Variants in ENOX2 observed in about 807,000 individuals in gnomAD.
ENOX2 encodes APK1 antigen.
Under a neutral mutation model 45.0 loss-of-function variants are expected in ENOX2, and 36 were observed. The ratio of observed to expected loss-of-function variants is 0.80; its 90% CI spans 0.61 to 1.06. The LOEUF is 1.06. Ranked by LOEUF, ENOX2 falls within the 50% of genes least tolerant of loss-of-function variation. The pLI is 0.00. For missense variants in ENOX2, 423 were observed against 462.5 expected, an observed-to-expected ratio of 0.91 and a Z score of 0.78; for synonymous variants, 174 against 152.3, an observed-to-expected ratio of 1.14 and a Z score of -1.05.
intron 2 of ENOX2, among the ~76,000 whole-genome samples, chrX:130,813,695 C>T (rs2077430762): frequency 9.0e-6 from 1 of 111,642 alleles, no homozygotes; most frequent in South Asian, 3.8e-4. Flanking sequence ...AGGGACTGTG[C>T]CATAAAACGG....
intron 4 of ENOX2, among the ~76,000 whole-genome samples, chrX:130,692,615 C>CAG (rs1369600235): frequency 1.2e-4 from 12 of 102,471 alleles, no homozygotes; most frequent in Non-Finnish European, 1.2e-4. Context: ...GAGTCCCGCT[C>CAG]TGTTGCCCAG....
intron 3 of ENOX2, among the ~76,000 whole-genome samples, chrX:130,752,740 C>A (rs2039255845): frequency 9.0e-6 from 1 of 110,968 alleles, no homozygotes; most frequent in Admixed American, 9.6e-5. Flanking sequence ...CTCTTTCTTT[C>A]TCTTTCCTTT....
intron 2 of ENOX2, among the ~76,000 whole-genome samples, chrX:130,795,130 A>G (rs922974005): frequency 8.9e-6 from 1 of 112,429 alleles, no homozygotes; most frequent in African/African-American, 3.2e-5. Context: ...GCTGTTGGCT[A>G]TGAAATTAAA....
At chrX:130,822,067 C>CAAAAA (rs759582186) in intron 2 of ENOX2, among the ~76,000 whole-genome samples, 1 of 19,110 alleles carries the variant, frequency 5.2e-5, no homozygotes, top group Non-Finnish European at 1.1e-4. Flanking sequence ...GACTCCGTCT[C>CAAAAA]AAAAAAAAAA....
chrX:130,686,716 T>G (rs946363581), intron 5 of ENOX2, among the ~76,000 whole-genome samples: 1 of 112,248 alleles, frequency 8.9e-6, no homozygotes, highest in Non-Finnish European at 1.9e-5. Context: ...ACTTTTGCCA[T>G]GCTTTCAGCA....
At chrX:130,655,517 C>T (rs1309133259) in intron 10 of ENOX2, among the ~76,000 whole-genome samples, 1 of 112,028 alleles carries the variant, frequency 8.9e-6, no homozygotes, top group Non-Finnish European at 1.9e-5. Context: ...CACACGTACA[C>T]ACACACAGCA....
intron 11 of ENOX2, among the ~76,000 whole-genome samples, chrX:130,636,275 A>G (rs2035929582): frequency 8.9e-6 from 1 of 112,641 alleles, no homozygotes; most frequent in Non-Finnish European, 1.9e-5. Flanking sequence ...GTGAAATATT[A>G]ATGTCATATT....
intron 2 of ENOX2, among the ~76,000 whole-genome samples, chrX:130,832,211 T>C (rs2077845705): frequency 9.0e-6 from 1 of 111,123 alleles, no homozygotes; most frequent in Admixed American, 9.6e-5. Flanking sequence ...TACTTGGTTA[T>C]TTTTTTCCTC....
chrX:130,734,480 C>T (rs951536735), intron 3 of ENOX2, among the ~76,000 whole-genome samples: 1 of 111,313 alleles, frequency 9.0e-6, no homozygotes, highest in Non-Finnish European at 1.9e-5. Context: ...GAGAGGGCTG[C>T]GAGTTGTAGA....
At chrX:130,742,514 T>C (rs2039009036) in intron 3 of ENOX2, among the ~76,000 whole-genome samples, 1 of 110,624 alleles carries the variant, frequency 9.0e-6, no homozygotes, top group South Asian at 3.9e-4. Context: ...GTATGATTTC[T>C]GGATAAAGGC....
intron 10 of ENOX2, among the ~76,000 whole-genome samples, chrX:130,643,839 A>G (rs907291919): frequency 3.6e-5 from 4 of 112,381 alleles, no homozygotes; most frequent in Admixed American, 9.4e-5. Flanking sequence ...ACCACTGTAT[A>G]TAATTACCAT....
chrX:130,650,704 T>C (rs780515162), intron 10 of ENOX2, among the ~76,000 whole-genome samples: 91 of 112,089 alleles, frequency 8.1e-4, no homozygotes, highest in African/African-American at 2.9e-3. Context: ...GTGGGGAAAA[T>C]GTTTCTCTTT....
chrX:130,706,135 A>G (rs763844359), intron 3 of ENOX2, among the ~76,000 whole-genome samples: 1 of 112,426 alleles, frequency 8.9e-6, no homozygotes, highest in Non-Finnish European at 1.9e-5. Context: ...CTTGCAAACT[A>G]AACTTTTTTG....
At chrX:130,705,714 T>A (rs1338511307) in intron 3 of ENOX2, among the ~76,000 whole-genome samples, 1 of 111,372 alleles carries the variant, frequency 9.0e-6, no homozygotes, top group African/African-American at 3.3e-5. Context: ...AATGGCCAGG[T>A]GGGAAGGGCT....
intron 10 of ENOX2, among the ~76,000 whole-genome samples, chrX:130,639,133 G>T (rs2036014474): frequency 8.9e-6 from 1 of 112,334 alleles, no homozygotes; most frequent in Middle Eastern, 4.2e-3. Context: ...TTCTGGCAGG[G>T]GAAGGGGAAA....
At chrX:130,882,423 A>T (rs1320587584) in intron 2 of ENOX2, among the ~76,000 whole-genome samples, 1 of 110,720 alleles carries the variant, frequency 9.0e-6, no homozygotes. Flanking sequence ...ACATTCTAAC[A>T]GTTAGGCATA....
chrX:130,882,001 T>G (rs1301571606), intron 2 of ENOX2, among the ~76,000 whole-genome samples: 1 of 111,531 alleles, frequency 9.0e-6, no homozygotes, highest in Admixed American at 9.5e-5. Context: ...AAGAGACAAG[T>G]AAAATATGGT....
At chrX:130,888,050 G>T (rs1309749553) in intron 2 of ENOX2, among the ~76,000 whole-genome samples, 3 of 111,816 alleles carry the variant, frequency 2.7e-5, no homozygotes, top group African/African-American at 9.8e-5. Context: ...TTATTTTAAG[G>T]CAATTCTTCA....
At chrX:130,809,527 C>T (rs1312022188) in intron 2 of ENOX2, among the ~76,000 whole-genome samples, 2 of 111,461 alleles carry the variant, frequency 1.8e-5, no homozygotes, top group Non-Finnish European at 1.9e-5. Context: ...TTATTCTCCC[C>T]AAAGTAAGCT....
Sources: gnomAD v4.1 joint callset for allele counts (sites outside exome capture counted in the v4.1 genomes callset) on GRCh38, gnomAD v4.1.1 for gene constraint, MANE v1.5 for transcripts, NCBI Gene and HGNC (gene_info 2026-07-23, HGNC 2026-07-21) for gene names.